The following XIRP2 variants were observed in gnomAD, a reference collection of about 807,000 sequenced individuals.
The protein encoded by XIRP2 is xin actin binding repeat containing 2.
A neutral mutation model predicts 277.0 loss-of-function variants in XIRP2; 236 were observed. The ratio of observed to expected loss-of-function variants is 0.85; its 90% CI spans 0.77 to 0.95. The LOEUF (loss-of-function observed/expected upper bound fraction) is 0.95. Among genes scored for constraint, XIRP2 ranks in the 40% least tolerant of loss-of-function variants. XIRP2 has a pLI of 0.00. For synonymous variants in XIRP2, 1,490 were observed against 1,416.5 expected (o/e 1.05, Z -1.17); for missense variants, 4,640 against 4,157.5 (o/e 1.12, Z -3.19).
chr2:166,937,819 G>C (rs1319677959), intron 2 of XIRP2, among the ~76,000 whole-genome samples: 9 of 152,090 alleles, frequency 5.9e-5, no homozygotes, highest in East Asian at 1.9e-4. Flanking sequence ...CTGGTTTAGT[G>C]TTGGGAGGGT....
intron 2 of XIRP2, among the ~76,000 whole-genome samples, chr2:167,129,710 A>C (rs905394976): frequency 6.6e-6 from 1 of 151,992 alleles, no homozygotes; most frequent in Non-Finnish European, 1.5e-5. Context: ...GTCTCTACTG[A>C]AAATATAAAA....
chr2:167,106,287 A>G (rs1180788753), intron 2 of XIRP2, among the ~76,000 whole-genome samples: 2 of 151,580 alleles, frequency 1.3e-5, no homozygotes, highest in Non-Finnish European at 3.0e-5. Flanking sequence ...TTTATTCCTA[A>G]AAGTTTTATA....
chr2:166,964,509 G>T (rs1302300878), intron 2 of XIRP2, among the ~76,000 whole-genome samples: 1 of 151,756 alleles, frequency 6.6e-6, no homozygotes, highest in Non-Finnish European at 1.5e-5. Flanking sequence ...GGCTGTAAAT[G>T]ATTTTGGACA....
chr2:167,243,891 A>T lies in XIRP2; in HGVS notation c.2499A>T (p.Ile833=). 1 of 1,613,972 alleles carries T rather than the reference A, an allele frequency of 6.2e-7. No homozygotes were observed. Among genetic ancestry groups the T allele is most frequent in the African/African-American group, 1.3e-5 (1 of 75,016 alleles). ...AGGTCATCATTGAAAAGGAAAAAAT[A>T]ATAGGTACAGATGTCTCCAGAAAGT... The part of the protein sequence containing the change: ...SEEVIIEKEK[I]IGTDVSRKCW... Residue 833 remains isoleucine, a synonymous_variant, in exon 9 of 11, where the codon ATA becomes ATT. Transcript: ENST00000409195.
chr2:167,162,341 C>T (rs1360606863), intron 3 of XIRP2, among the ~76,000 whole-genome samples: 2 of 152,226 alleles, frequency 1.3e-5, no homozygotes, highest in East Asian at 3.8e-4. Context: ...CTGATAAAGA[C>T]ATTCCTGAGA....
chr2:167,140,141 T>C (rs1465083672), intron 3 of XIRP2, among the ~76,000 whole-genome samples: 1 of 152,234 alleles, frequency 6.6e-6, no homozygotes, highest in Admixed American at 6.5e-5. Context: ...CTCTCTTTAG[T>C]ATTTTCTGGT....
At chr2:167,184,249 G>A (rs1693096174) in intron 3 of XIRP2, among the ~76,000 whole-genome samples, 1 of 152,178 alleles carries the variant, frequency 6.6e-6, no homozygotes, top group African/African-American at 2.4e-5. Context: ...AAGACAAGCA[G>A]TTGTTGCACA....
At chr2:166,955,210 T>C (rs1419669386) in intron 2 of XIRP2, among the ~76,000 whole-genome samples, 1 of 151,932 alleles carries the variant, frequency 6.6e-6, no homozygotes, top group Non-Finnish European at 1.5e-5. Context: ...GTATGTCTAT[T>C]CAACGGAAAA....
In XIRP2 at chr2:166,922,231, A is replaced by G. The variant is rs192173010; in HGVS notation, c.408+18341A>G. On this transcript the variant is annotated intron_variant, in intron 2 of 10. Transcript: ENST00000409195. ...CTGTTGCATTGACCCTCTGGGTAGA[A>G]GCTACCTCACGAACTGCACATCTAC... 1.1e-3 allele frequency among the ~76,000 whole-genome samples: 171 copies of G among 152,050 alleles called. 1 individual carries two copies. Among genetic ancestry groups the G allele is most frequent in the South Asian group, 9.6e-3 (46 of 4,814 alleles).
At chr2:166,974,460 T>C (rs1208826812) in intron 2 of XIRP2, among the ~76,000 whole-genome samples, 3 of 151,914 alleles carry the variant, frequency 2.0e-5, no homozygotes, top group Non-Finnish European at 4.4e-5. Flanking sequence ...TTAAAAGTTA[T>C]ATATATATAC....
intron 2 of XIRP2, among the ~76,000 whole-genome samples, chr2:166,917,521 C>T (rs565534302): frequency 1.1e-4 from 16 of 152,180 alleles, no homozygotes; most frequent in African/African-American, 3.9e-4. Flanking sequence ...GGCAAAACTC[C>T]CAACTAAACA....
rs142527977 is a variant in XIRP2 at position 167,218,363 on chromosome 2, A to G, written c.858+63A>G. 8.5e-4 allele frequency: 1,128 copies of G among 1,323,530 alleles called. 6 individuals carry two copies. In the African/African-American group the frequency reaches 0.014, roughly 17 times the overall value. 82.0% of individuals were successfully genotyped at this position (1,323,530 alleles called of 1,614,324 possible). A position where few individuals can be genotyped will look rare whatever the true frequency, so the allele number is the denominator to read the frequency against. On this transcript the variant is annotated intron_variant, in intron 5 of 10. Transcript: ENST00000409195. ...TTGAAATGCTCTCATTTTGGTGCCA[A>G]TGTAGAAATCTCCTTTCTTTAGTGA...
chr2:167,007,333 A>G (rs1368264696), intron 2 of XIRP2, among the ~76,000 whole-genome samples: 1 of 151,648 alleles, frequency 6.6e-6, no homozygotes, highest in Non-Finnish European at 1.5e-5. Context: ...TCCACAATAC[A>G]TTTTTTAAAT....
At chr2:166,904,130 T>C (rs748511399) in intron 2 of XIRP2, among the ~76,000 whole-genome samples, 12 of 152,180 alleles carry the variant, frequency 7.9e-5, no homozygotes, top group Non-Finnish European at 1.3e-4. Flanking sequence ...CCCTCTTATG[T>C]TGATGTTTCT....
intron 2 of XIRP2, among the ~76,000 whole-genome samples, chr2:167,095,100 T>A (rs1030361468): frequency 6.6e-6 from 1 of 152,202 alleles, no homozygotes; most frequent in Non-Finnish European, 1.5e-5. Flanking sequence ...AATTTACTCA[T>A]GATTTGGCTT....
intron 1 of XIRP2, among the ~76,000 whole-genome samples, chr2:166,895,097 T>A (rs910039004): frequency 1.3e-5 from 2 of 151,988 alleles, no homozygotes; most frequent in African/African-American, 2.4e-5. Flanking sequence ...GGAGAGAGGA[T>A]GAAGGAGGGG....
chr2:167,138,066 G>A (rs1005339575), intron 3 of XIRP2, among the ~76,000 whole-genome samples: 6 of 152,042 alleles, frequency 3.9e-5, no homozygotes, highest in African/African-American at 1.2e-4. Context: ...ATTCCAAAAA[G>A]ATAAACACAT....
In XIRP2 at chr2:166,945,099, T is replaced by TA. The variant is rs551652823; in HGVS notation, c.408+41210dup. ...GTCTAGCTCAGAACCCATCCTCCAT[T>TA]AGGCTCAGGATACTGACCTCAAGTG... On this transcript the variant is annotated intron_variant, in intron 2 of 10. Coordinates refer to ENST00000409195, the MANE Select transcript of XIRP2 (RefSeq NM_152381.6). 1.0e-3 allele frequency among the ~76,000 whole-genome samples: 155 copies of TA among 152,218 alleles called. 3 individuals are homozygous for TA. The South Asian group carries it at 0.029, about 29-fold the overall frequency.
chr2:167,082,638 C>T (rs1689771888), intron 2 of XIRP2, among the ~76,000 whole-genome samples: 1 of 152,202 alleles, frequency 6.6e-6, no homozygotes, highest in African/African-American at 2.4e-5. Context: ...GATTGCCATT[C>T]CAACTGGTGT....
Sources: gnomAD v4.1 joint callset for allele counts (sites outside exome capture counted in the v4.1 genomes callset) on GRCh38, gnomAD v4.1.1 for gene constraint, MANE v1.5 for transcripts, NCBI Gene and HGNC (gene_info 2026-07-23, HGNC 2026-07-21) for gene names.